The following PMEPA1 variants were observed in gnomAD, a reference collection of about 807,000 sequenced individuals.
PMEPA1 encodes the protein prostate transmembrane protein, androgen induced 1.
PMEPA1 carries 11 observed loss-of-function variants against 23.0 expected under a neutral mutation model. The ratio of observed to expected loss-of-function variants is 0.48; its 90% CI spans 0.30 to 0.79. PMEPA1 has a LOEUF of 0.79. PMEPA1 is among the 30% of genes least tolerant of loss of function. PMEPA1 has a pLI of 0.06. For synonymous variants in PMEPA1, 204 were observed against 166.4 expected, an observed-to-expected ratio of 1.23 and a Z score of -1.74; for missense variants, 377 against 390.9, an observed-to-expected ratio of 0.96 and a Z score of 0.30.
chr20:57,669,110 G>C lies in PMEPA1; in HGVS notation c.110-9413C>G, dbSNP rs1394368563. On this transcript the variant is annotated intron_variant, in intron 1 of 3. Transcript: ENST00000341744. ...CTAGAATGGTGCCTTCCCCAAGGCA[G>C]GCACGTAATGACTACACTGAATAAA... Among the ~76,000 whole-genome samples, 3 of 152,036 alleles carry C rather than the reference G, an allele frequency of 2.0e-5. No homozygotes were observed. The East Asian group carries it at 5.8e-4, about 29-fold the overall frequency.
At chr20:57,675,001 G>T (rs1277943700) in intron 1 of PMEPA1, among the ~76,000 whole-genome samples, 5 of 152,212 alleles carry the variant, frequency 3.3e-5, no homozygotes, top group African/African-American at 1.2e-4. Flanking sequence ...TAGGTACAGT[G>T]AGCTCCTGCT....
intron 1 of PMEPA1, among the ~76,000 whole-genome samples, chr20:57,708,390 C>T (rs1381807936): frequency 6.6e-6 from 1 of 152,188 alleles, no homozygotes; most frequent in East Asian, 1.9e-4. Context: ...AAGCCAGAAC[C>T]CGGGAGGTAG....
Position 57,709,860 on chromosome 20 carries a change from G to C in PMEPA1, c.-278C>G, listed in dbSNP as rs1251020303. ...GTCCGGAAAATGGGCTGGCAGCGGGGCGCGCGCTGCCGCCGGGGCTGAGCC... is the reference window on the plus strand; with the variant it reads ...GTCCGGAAAATGGGCTGGCAGCGGGCCGCGCGCTGCCGCCGGGGCTGAGCC... On this transcript the variant is annotated 5_prime_UTR_variant, in exon 1 of 4. Coordinates refer to ENST00000341744, the MANE Select transcript of PMEPA1 (RefSeq NM_020182.5). The C allele has an allele frequency of 1.0e-6, 1 of 988,540 alleles. No individual in the cohort carries two copies. The highest frequency in any genetic ancestry group is 1.2e-6 in the Non-Finnish European group (1 of 832,532). The allele number at this position is 988,540 out of a possible 1,614,324, so 61.2% of individuals were successfully genotyped here.
chr20:57,652,397 G>C lies in PMEPA1; in HGVS notation c.520C>G (p.Gln174Glu). 1 of 1,613,828 alleles carries C rather than the reference G, an allele frequency of 6.2e-7. No homozygotes were observed. The highest frequency in any genetic ancestry group is 8.5e-7 in the Non-Finnish European group (1 of 1,179,916). ...PCTLQLRDPE[Q>E]QLELNRESVR... is the part of the protein sequence containing the mutation. ...GACTCCCGGTTCAGTTCCAGCTGCT[G>C]CTCGGGGTCCCGAAGCTGGAGGGTG... The change falls in exon 4 of 4, where the codon CAG becomes GAG. Residue 174 changes from glutamine (Q) to glutamate (E), a missense_variant. Coordinates refer to ENST00000341744, the MANE Select transcript of PMEPA1 (RefSeq NM_020182.5). The surrounding 1 kb of genome is among the most constrained non-coding windows in gnomAD (Gnocchi z 6.1).
intron 1 of PMEPA1, among the ~76,000 whole-genome samples, chr20:57,707,604 T>C (rs2072106915): frequency 6.6e-6 from 1 of 151,032 alleles, no homozygotes; most frequent in South Asian, 2.1e-4. Flanking sequence ...AAAAACATCA[T>C]GGACTGATGA....
In PMEPA1 at chr20:57,651,935, G is replaced by A. The variant is rs2071236604; in HGVS notation, c.*118C>T. The A allele has an allele frequency of 2.8e-6, 2 of 719,574 alleles. No individual in the cohort carries two copies. The highest frequency in any genetic ancestry group is 3.0e-5 in the East Asian group (1 of 33,802). The allele number at this position is 719,574 out of a possible 1,614,324, so 44.6% of individuals were successfully genotyped here. ...AATATTTATACACAGGGAGGTGGGA[G>A]GGGAGGGCCACACGATGCGTTGCTG... On this transcript the variant is annotated 3_prime_UTR_variant, in exon 4 of 4. Transcript: ENST00000341744.
At chr20:57,666,445 C>T (rs1272206130) in intron 1 of PMEPA1, among the ~76,000 whole-genome samples, 1 of 152,140 alleles carries the variant, frequency 6.6e-6, no homozygotes, top group Non-Finnish European at 1.5e-5. Context: ...GAGACTGAGG[C>T]TGGGAGAGGT....
chr20:57,707,645 C>CT (rs10709084), intron 1 of PMEPA1, among the ~76,000 whole-genome samples: 2,246 of 137,180 alleles, frequency 0.016, 41 homozygotes, highest in African/African-American at 0.043. Flanking sequence ...AAGAACAATG[C>CT]TTTTTTTTTT....
intron 2 of PMEPA1, among the ~76,000 whole-genome samples, chr20:57,659,127 G>A (rs1298196274): frequency 2.0e-5 from 3 of 152,072 alleles, no homozygotes; most frequent in Admixed American, 6.5e-5. Flanking sequence ...GCTCCCCCAG[G>A]TCCCAGTGGT....
At chr20:57,653,153 C>T (rs978866445) in intron 2 of PMEPA1, 67 bp from the exon 3 acceptor site, 27 of 1,310,588 alleles carry the variant, frequency 2.1e-5, no homozygotes, top group Non-Finnish European at 2.4e-5. Flanking sequence ...AGGCTCAACC[C>T]AGATTCGACT....
intron 1 of PMEPA1, among the ~76,000 whole-genome samples, chr20:57,669,181 G>T (rs866733714): frequency 2.3e-5 from 2 of 86,784 alleles, no homozygotes; most frequent in African/African-American, 4.9e-5. Context: ...ATTTATTTTT[G>T]AGACAGAGTC....
At chr20:57,669,833 T>G (rs576186439) in intron 1 of PMEPA1, among the ~76,000 whole-genome samples, 1 of 151,846 alleles carries the variant, frequency 6.6e-6, no homozygotes, top group South Asian at 2.1e-4. Flanking sequence ...TTCTGCAATC[T>G]CAGCATTTTG....
At chr20:57,688,348 T>TGTGGCGTGGA (rs1555882550) in intron 1 of PMEPA1, among the ~76,000 whole-genome samples, 1 of 151,262 alleles carries the variant, frequency 6.6e-6, no homozygotes, top group African/African-American at 2.4e-5. Context: ...GACACTTCTT[T>TGTGGCGTGGA]GTGGGGTGGG....
chr20:57,688,656 A>G (rs1280415219), intron 1 of PMEPA1, among the ~76,000 whole-genome samples: 1 of 152,166 alleles, frequency 6.6e-6, no homozygotes, highest in Non-Finnish European at 1.5e-5. Context: ...CATTCTCCCT[A>G]AGGAATCACG....
At chr20:57,709,334 G>T in intron 1 of PMEPA1, 140 bp downstream of exon 1, 1 of 454,658 alleles carries the variant, frequency 2.2e-6, no homozygotes, top group South Asian at 9.3e-5. Context: ...GGCGCGCCCG[G>T]GGCGCGGCGG....
intron 1 of PMEPA1, among the ~76,000 whole-genome samples, 172 bp from the exon 2 acceptor site, chr20:57,659,869 G>T (rs1436857855): frequency 6.6e-6 from 1 of 152,250 alleles, no homozygotes; most frequent in Admixed American, 6.5e-5. Flanking sequence ...TGGGGCTGGG[G>T]TACGTGCAGG....
Position 57,652,927 on chromosome 20 carries a change from G to A in PMEPA1, c.318+106C>T. ...ATCCCAGCAGCAAGGGCACTGCAGA[G>A]GAGGGCGGAGGGGTGAGCCTTTAGC... is the stretch of plus-strand genomic sequence containing the variant. On this transcript the variant is annotated intron_variant, in intron 3 of 3. Coordinates refer to ENST00000341744, the MANE Select transcript of PMEPA1 (RefSeq NM_020182.5). This position sits in a 1 kb window ranked among gnomAD's most constrained non-coding sequence, Gnocchi z 6.1. 4 of 946,072 alleles carry A rather than the reference G, an allele frequency of 4.2e-6. No homozygotes were observed. The highest frequency in any genetic ancestry group is 1.7e-6 in the Non-Finnish European group (1 of 600,958). The allele number at this position is 946,072 out of a possible 1,614,324, so 58.6% of individuals were successfully genotyped here. A position where few individuals can be genotyped will look rare whatever the true frequency, so the allele number is the denominator to read the frequency against.
At chr20:57,661,129 GT>G (rs111338125) in intron 1 of PMEPA1, among the ~76,000 whole-genome samples, 220 of 152,312 alleles carry the variant, frequency 1.4e-3, no homozygotes, top group African/African-American at 4.4e-3. Context: ...CTAAGGTTGG[GT>G]TTTTTTGTTT....
At chr20:57,710,098 C>T, upstream of PMEPA1, 1 of 885,884 alleles carries the variant, frequency 1.1e-6, no homozygotes, top group South Asian at 5.2e-5. Context: ...CGCCGAGGTT[C>T]CCCCGCACCC....
Sources: gnomAD v4.1 joint callset for allele counts (sites outside exome capture counted in the v4.1 genomes callset) on GRCh38, gnomAD v4.1.1 for gene constraint, Gnocchi (gnomAD v3.1) non-coding constraint, MANE v1.5 for transcripts, NCBI Gene and HGNC (gene_info 2026-07-23, HGNC 2026-07-21) for gene names.